Variants in KNTC1 observed in about 807,000 individuals in gnomAD.
KNTC1 encodes the protein kinetochore associated 1.
Under a neutral mutation model 314.4 loss-of-function variants are expected in KNTC1, and 253 were observed. The observed-to-expected ratio is 0.80, with a 90% confidence interval of 0.73 to 0.89. The LOEUF (loss-of-function observed/expected upper bound fraction) is 0.89. Among genes scored for constraint, KNTC1 ranks in the 40% least tolerant of loss-of-function variants. The pLI, the probability that KNTC1 is intolerant of heterozygous loss-of-function variation, is 0.00. For missense variants in KNTC1, 2,475 were observed against 2,572.9 expected, an observed-to-expected ratio of 0.96 and a Z score of 0.82; for synonymous variants, 901 against 901.4, an observed-to-expected ratio of 1.00 and a Z score of 0.01.
intron 43 of KNTC1, among the ~76,000 whole-genome samples, chr12:122,595,584 G>T (rs1045049444): frequency 6.6e-6 from 1 of 152,196 alleles, no homozygotes; most frequent in Non-Finnish European, 1.5e-5. Flanking sequence ...GACCGTGGCT[G>T]TCACCATCTA....
At position 122,597,783 on chromosome 12, in the gene KNTC1, C is replaced by T; in HGVS notation, c.4408C>T (p.Leu1470Phe). The change falls in exon 44 of 64, where the codon CTC becomes TTC. Residue 1470 changes from leucine (L) to phenylalanine (F), a missense_variant. By Grantham distance (22) the Leu-to-Phe change is conservative. Coordinates refer to ENST00000333479, the MANE Select transcript of KNTC1 (RefSeq NM_014708.6). ...AVLQLFIETL[L>F]HNTNAGQGQG... The stretch of plus-strand genomic sequence containing the variant: ...TCTTCAGCTCTTCATTGAAACGCTG[C>T]TCCACAACACAAATGCCGGCCAAGG... The T allele has an allele frequency of 1.2e-6, 2 of 1,614,000 alleles. No homozygotes were observed. Among genetic ancestry groups the T allele is most frequent in the Non-Finnish European group, 1.7e-6 (2 of 1,179,874 alleles).
intron 25 of KNTC1, 34 bp from the exon 26 acceptor site, chr12:122,573,108 T>A (rs1368651715): frequency 6.2e-7 from 1 of 1,613,592 alleles, no homozygotes; most frequent in South Asian, 1.1e-5. Context: ...ATGGGTAGAG[T>A]CTGTATTTAT....
At chr12:122,598,836 G>A (rs1269787507) in intron 44 of KNTC1, among the ~76,000 whole-genome samples, 1 of 150,800 alleles carries the variant, frequency 6.6e-6, no homozygotes, top group Non-Finnish European at 1.5e-5. Flanking sequence ...ATTTGAGATA[G>A]GGTCTCACTG....
rs758932288 is a variant in KNTC1, at chr12:122,582,724, T to C, written c.3002T>C (p.Leu1001Pro). ...ASLQENFEVF[L>P]SFEDYSNSSL... ...CTACAGGAGAACTTTGAGGTCTTTCTTTCATTTGAAGATTATAGCAATAGT... is the reference window on the plus strand; with the variant it reads ...CTACAGGAGAACTTTGAGGTCTTTCCTTCATTTGAAGATTATAGCAATAGT... Residue 1001 changes from leucine (L) to proline (P), a missense_variant, in exon 34 of 64, where the codon CTT becomes CCT. By Grantham distance (98) the Leu-to-Pro change is moderately conservative. Transcript: ENST00000333479. 3 of 1,603,024 alleles carry C rather than the reference T, an allele frequency of 1.9e-6. No homozygotes were observed. The East Asian group carries it at 6.7e-5, about 36-fold the overall frequency.
Position 122,557,660 on chromosome 12 carries a change from CAA to C in KNTC1, c.1460_1461del (p.Gln487ArgfsTer16), listed in dbSNP as rs758027413. On this transcript the variant is annotated frameshift_variant, in exon 18 of 64. Coordinates refer to ENST00000333479, the MANE Select transcript of KNTC1 (RefSeq NM_014708.6). LOFTEE classifies it high-confidence loss of function. ...KAQWITYETTQEMLNYAKTRL... is the reference protein window; with the variant it reads ...KAQWITYETTXEMLNYAKTRL... Reference sequence around the variant, plus strand: ...TCAGTGGATAACCTATGAAACCACTCAAGAGATGCTGAATTATGCCAAAACCA... The same window carrying C: ...TCAGTGGATAACCTATGAAACCACTCGAGATGCTGAATTATGCCAAAACCA... The C allele has an allele frequency of 4.3e-6, 7 of 1,613,074 alleles. No homozygotes were observed. Among genetic ancestry groups the C allele is most frequent in the South Asian group, 1.1e-5 (1 of 90,928 alleles).
At chr12:122,626,183 T>G in intron 63 of KNTC1, 22 bp from the exon 64 acceptor site, 1 of 1,547,730 alleles carries the variant, frequency 6.5e-7, no homozygotes, top group Non-Finnish European at 8.9e-7. Flanking sequence ...TAAAAATCAC[T>G]TCTGTGTTTC....
chr12:122,605,926 C>T (rs1168977734), intron 51 of KNTC1, among the ~76,000 whole-genome samples: 3 of 151,094 alleles, frequency 2.0e-5, no homozygotes, highest in Non-Finnish European at 4.4e-5. Flanking sequence ...ACTGCAGACT[C>T]GAATTCCTAG....
intron 18 of KNTC1, among the ~76,000 whole-genome samples, chr12:122,558,208 C>T (rs934171730): frequency 3.9e-5 from 6 of 152,128 alleles, no homozygotes; most frequent in African/African-American, 1.4e-4. Context: ...TAAAATTGTT[C>T]CACTGCTCTT....
rs185586963 is a variant in KNTC1, at chr12:122,587,720, T to C, written c.3740T>C (p.Leu1247Pro). ...CTTTATCACTCTGCAGGAGATGGCC[T>C]TGTTTTACCTGTTATAAATTCCATC... The part of the protein sequence containing the change: ...PYCSLNEGDG[L>P]VLPVINSISA... Residue 1247 changes from leucine to proline, a missense_variant, in exon 39 of 64, where the codon CTT becomes CCT. Coordinates refer to ENST00000333479, the MANE Select transcript of KNTC1 (RefSeq NM_014708.6). The C allele has an allele frequency of 2.5e-6, 4 of 1,611,942 alleles. No homozygotes were observed. The highest frequency in any genetic ancestry group is 3.4e-5 in the Admixed American group (2 of 59,666).
intron 27 of KNTC1, among the ~76,000 whole-genome samples, chr12:122,575,218 G>A (rs1183197879): frequency 3.9e-5 from 6 of 152,036 alleles, no homozygotes; most frequent in African/African-American, 7.2e-5. Flanking sequence ...CTGAGATCGC[G>A]CCACTGCACT....
At chr12:122,585,581 C>A in intron 36 of KNTC1, 55 bp from the exon 37 acceptor site, 1 of 1,578,004 alleles carries the variant, frequency 6.3e-7, no homozygotes, top group Non-Finnish European at 8.7e-7. Context: ...CCAGAAGAAA[C>A]AATGTGTTGT....
At chr12:122,621,494 C>A (rs555945249) in intron 60 of KNTC1, among the ~76,000 whole-genome samples, 1 of 152,280 alleles carries the variant, frequency 6.6e-6, no homozygotes, top group African/African-American at 2.4e-5. Context: ...GCCACCACGC[C>A]CGGCTAACTT....
intron 3 of KNTC1, among the ~76,000 whole-genome samples, chr12:122,537,869 C>T (rs1961966207): frequency 6.6e-6 from 1 of 152,100 alleles, no homozygotes; most frequent in Non-Finnish European, 1.5e-5. Flanking sequence ...TGCAGTGGCT[C>T]ACATCTGTAA....
At position 122,532,206 on chromosome 12, in the gene KNTC1, CTTTTTTTTTTTTT is replaced by C. The variant is rs139344183; in HGVS notation, c.129+2023_129+2035del. ...CTGCCACCACGCCTGGCTAATTTTT[CTTTTTTTTTTTTT>C]TTTTTTTTGAGACGAACTCTTGCTC... On this transcript the variant is annotated intron_variant, in intron 2 of 63. Transcript: ENST00000333479. Among the ~76,000 whole-genome samples the C allele has an allele frequency of 1.5e-4, 15 of 99,542 alleles. No homozygotes were observed. The South Asian group carries it at 5.0e-3, about 33-fold the overall frequency. 65.3% of individuals were successfully genotyped at this position (99,542 alleles called of 152,430 possible). A position where few individuals can be genotyped will look rare whatever the true frequency, so the allele number is the denominator to read the frequency against.
In KNTC1 at chr12:122,562,625, A is replaced by T. The variant is rs747533406; in HGVS notation, c.1543-13A>T. 6.3e-5 allele frequency: 96 copies of T among 1,512,516 alleles called. No individual in the cohort carries two copies. Among genetic ancestry groups the T allele is most frequent in the Non-Finnish European group, 8.8e-5 (96 of 1,092,980 alleles). 93.7% of individuals were successfully genotyped at this position (1,512,516 alleles called of 1,614,324 possible). A position where few individuals can be genotyped will look rare whatever the true frequency, so the allele number is the denominator to read the frequency against. Reference sequence around the variant, plus strand: ...GCATATAAATTCAGATTATTAAATTATTTTTTCTTCAGGTGCTAAGAGCTC... The same window carrying T: ...GCATATAAATTCAGATTATTAAATTTTTTTTTCTTCAGGTGCTAAGAGCTC... On this transcript the variant is annotated splice_polypyrimidine_tract_variant and intron_variant, in intron 19 of 63. Transcript: ENST00000333479.
chr12:122,563,730 T>C, intron 20 of KNTC1: 2 of 1,369,098 alleles, frequency 1.5e-6, no homozygotes, highest in South Asian at 2.0e-5. Context: ...TTAGTGAAAA[T>C]GTCACCTCTT....
chr12:122,613,000 T>G, intron 53 of KNTC1, 112 bp from the exon 54 acceptor site: 1 of 688,134 alleles, frequency 1.5e-6, no homozygotes, highest in Non-Finnish European at 2.6e-6. Flanking sequence ...ACTGTAGAGA[T>G]TGACTTTACA....
intron 4 of KNTC1, among the ~76,000 whole-genome samples, chr12:122,538,816 A>G (rs1260109913): frequency 6.6e-6 from 1 of 152,196 alleles, no homozygotes; most frequent in Non-Finnish European, 1.5e-5. Flanking sequence ...GTAGGCATGT[A>G]GAGGCAGGGA....
intron 51 of KNTC1, among the ~76,000 whole-genome samples, chr12:122,606,336 G>C (rs1378775449): frequency 6.7e-6 from 1 of 148,962 alleles, no homozygotes; most frequent in Non-Finnish European, 1.5e-5. Flanking sequence ...TCCCTCCTCA[G>C]CTTCCCGAGT....
Sources: gnomAD v4.1 joint callset for allele counts (sites outside exome capture counted in the v4.1 genomes callset) on GRCh38, gnomAD v4.1.1 for gene constraint, MANE v1.5 for transcripts, NCBI Gene and HGNC (gene_info 2026-07-23, HGNC 2026-07-21) for gene names.